MNT: variants seen among roughly 807,000 people sequenced by gnomAD.
The protein encoded by MNT is MAX network transcriptional repressor.
MNT carries 13 observed loss-of-function variants against 40.7 expected under a neutral mutation model. The observed-to-expected ratio is 0.32, with a 90% CI of 0.21 to 0.51. MNT has a LOEUF of 0.51. Among genes scored for constraint, MNT ranks in the 20% least tolerant of loss-of-function variants. The pLI is 0.98. For synonymous variants in MNT, 426 were observed against 354.8 expected, an observed-to-expected ratio of 1.20 and a Z score of -2.26; for missense variants, 757 against 792.0, an observed-to-expected ratio of 0.96 and a Z score of 0.53.
Position 2,384,854 on chromosome 17 carries a change from T to C in MNT, c.*2047A>G, listed in dbSNP as rs2066444727. 1 of 151,156 alleles carries C rather than the reference T, an allele frequency of 6.6e-6. No individual in the cohort carries two copies. Among genetic ancestry groups the C allele is most frequent in the African/African-American group, 2.4e-5 (1 of 40,886 alleles). The allele number at this position is 151,156 out of a possible 1,614,324, so 9.4% of individuals were successfully genotyped here. ...CACTAGATTTGCAGGCCCCCGATGC[T>C]GGGGGACAGGGACGGGGAGGGGCAG... On this transcript the variant is annotated 3_prime_UTR_variant, in exon 6 of 6. Coordinates refer to ENST00000174618, the MANE Select transcript of MNT (RefSeq NM_020310.3).
At position 2,395,159 on chromosome 17, in the gene MNT, C is replaced by G. The variant is rs774222187; in HGVS notation, c.369G>C (p.Leu123=). The G allele has an allele frequency of 4.1e-6, 6 of 1,452,234 alleles. No individual in the cohort carries two copies. In the African/African-American group the frequency reaches 8.8e-5, roughly 21 times the overall value. 90.0% of individuals were successfully genotyped at this position (1,452,234 alleles called of 1,614,324 possible). ...TAATGCTGAGTCCGGGGGCGCCAAC[C>G]AGGGCCGGCTGACGAGGCGCCAGGG... is the stretch of plus-strand genomic sequence containing the variant. ...PLPLAPRQPA[L]VGAPGLSIKE... is the part of the protein sequence containing the mutation. Residue 123 remains leucine, a synonymous_variant, in exon 2 of 6, where the codon CTG becomes CTC. Transcript: ENST00000174618.
chr17:2,393,066 C>T (rs890634091), intron 4 of MNT, among the ~76,000 whole-genome samples: 1 of 152,004 alleles, frequency 6.6e-6, no homozygotes, highest in Non-Finnish European at 1.5e-5. Flanking sequence ...ACCCCTCCCA[C>T]GGGGCCCGTG....
At position 2,393,413 on chromosome 17, in the gene MNT, G is replaced by A. The variant is rs183760398; in HGVS notation, c.807+630C>T. ...GACACCCCCTCTTCCTAGCCCAGGA[G>A]GAAGGAAAGCGTGACGTGTTTCAGG... On this transcript the variant is annotated intron_variant, in intron 4 of 5. Transcript: ENST00000174618. Among the ~76,000 whole-genome samples the A allele has an allele frequency of 4.6e-5, 7 of 152,338 alleles. No homozygotes were observed. In the East Asian group the frequency reaches 9.7e-4, roughly 21 times the overall value.
At position 2,387,267 on chromosome 17, in the gene MNT, C is replaced by G. The variant is rs1221482378; in HGVS notation, c.1383G>C (p.Gly461=). 3.1e-6 allele frequency: 5 copies of G among 1,613,042 alleles called. No individual in the cohort carries two copies. The highest frequency in any genetic ancestry group is 4.2e-6 in the Non-Finnish European group (5 of 1,179,682). Reference sequence around the variant, plus strand: ...TGTGGGCGATGTGCTTGCCGCCTGGCCCCTGCAGAACGTGGTTCACAGTCT... The same window carrying G: ...TGTGGGCGATGTGCTTGCCGCCTGGGCCCTGCAGAACGTGGTTCACAGTCT... ...VIQTVNHVLQ[G]PGGKHIAHIA... is the part of the protein sequence containing the mutation. The change falls in exon 6 of 6, where the codon GGG becomes GGC. Residue 461 remains glycine (G), a synonymous_variant. Transcript: ENST00000174618.
intron 4 of MNT, chr17:2,388,253 G>A: frequency 1.8e-6 from 1 of 550,800 alleles, no homozygotes; most frequent in South Asian, 2.4e-5. Context: ...AGGAGTGTGG[G>A]CTCTTGGGAC....
intron 4 of MNT, among the ~76,000 whole-genome samples, chr17:2,393,236 C>T (rs1009394226): frequency 4.6e-5 from 7 of 151,538 alleles, no homozygotes; most frequent in South Asian, 2.1e-4. Context: ...GCCTCCGGCC[C>T]GGCGCGCGGA....
intron 1 of MNT, chr17:2,396,813 G>A (rs1191413071): frequency 2.6e-5 from 4 of 152,398 alleles, no homozygotes; most frequent in African/African-American, 4.8e-5. Context: ...CTCCGCTGAC[G>A]AACGCAGCAG....
chr17:2,387,436 T>TGCTGTG lies in MNT; in HGVS notation c.1208_1213dup (p.Pro403_Gln404dup). The TGCTGTG allele has an allele frequency of 6.2e-7, 1 of 1,610,888 alleles. No homozygotes were observed. The highest frequency in any genetic ancestry group is 8.5e-7 in the Non-Finnish European group (1 of 1,178,598). ...AGGAGGGGCTGGCAGAGGGGTCTTC[T>TGCTGTG]GCTGTGGCTGCTGCTGCTGCACGGG... On this transcript the variant is annotated inframe_insertion, in exon 6 of 6. Transcript: ENST00000174618.
rs985534606 is a variant in MNT, at chr17:2,385,487, C to G, written c.*1414G>C. 6.6e-6 allele frequency: 1 copy of G among 152,454 alleles called. No individual in the cohort carries two copies. The highest frequency in any genetic ancestry group is 1.5e-5 in the Non-Finnish European group (1 of 68,160). 9.4% of individuals were successfully genotyped at this position (152,454 alleles called of 1,614,324 possible). ...CACAAAGCCACTTGTAATAAACACC[C>G]ACATACAAGGAAAGGCCAAAGCAGG... On this transcript the variant is annotated 3_prime_UTR_variant, in exon 6 of 6. Coordinates refer to ENST00000174618, the MANE Select transcript of MNT (RefSeq NM_020310.3).
At chr17:2,393,914 C>T (rs970122821) in intron 4 of MNT, 129 bp downstream of exon 4, 11 of 498,764 alleles carry the variant, frequency 2.2e-5, no homozygotes, top group African/African-American at 2.1e-4. Flanking sequence ...TGCTCAGCGC[C>T]CGCGTGGAGG....
Position 2,384,581 on chromosome 17 carries a change from T to C in MNT, c.*2320A>G, listed in dbSNP as rs1567862211. Reference sequence around the variant, plus strand: ...GGTAAAACACGCATGAGAGGTAAGATGTGTGCGTGTGCGTGCGTGTGTGTG... The same window carrying C: ...GGTAAAACACGCATGAGAGGTAAGACGTGTGCGTGTGCGTGCGTGTGTGTG... On this transcript the variant is annotated 3_prime_UTR_variant, in exon 6 of 6. Coordinates refer to ENST00000174618, the MANE Select transcript of MNT (RefSeq NM_020310.3). The C allele has an allele frequency of 7.0e-6, 1 of 142,780 alleles. No homozygotes were observed. The allele number at this position is 142,780 out of a possible 1,614,324, so 8.8% of individuals were successfully genotyped here.
At chr17:2,387,700 G>T in intron 5 of MNT, 51 bp from the exon 6 acceptor site, 1 of 1,603,148 alleles carries the variant, frequency 6.2e-7, no homozygotes. Flanking sequence ...GGAAGCAAGT[G>T]GCTGGAGGCG....
In MNT at chr17:2,400,713, C is replaced by G; in HGVS notation, c.-1G>C. ...CCTCCAGTAGCGTCTCTATGCTCAT[C>G]GCGCCGAGAGCTGCCGGGGGCGCGC... On this transcript the variant is annotated 5_prime_UTR_variant, in exon 1 of 6. Transcript: ENST00000174618. 6.4e-7 allele frequency: 1 copy of G among 1,565,172 alleles called. No individual in the cohort carries two copies. The highest frequency in any genetic ancestry group is 8.6e-7 in the Non-Finnish European group (1 of 1,161,336).
Position 2,388,058 on chromosome 17 carries a change from CAG to C in MNT, c.808-11_808-10del, listed in dbSNP as rs1189396542. On this transcript the variant is annotated splice_polypyrimidine_tract_variant and intron_variant, in intron 4 of 5. Transcript: ENST00000174618. Reference sequence around the variant, plus strand: ...TCCTTCCTCTTCAGGGACTGGCACACAGAGTAAGGGACAGCAGGACACCCTGA... The same window carrying C: ...TCCTTCCTCTTCAGGGACTGGCACACAGTAAGGGACAGCAGGACACCCTGA... 6.4e-7 allele frequency: 1 copy of C among 1,552,090 alleles called. No individual in the cohort carries two copies. The highest frequency in any genetic ancestry group is 1.4e-5 in the African/African-American group (1 of 73,178).
chr17:2,395,454 T>C lies in MNT; in HGVS notation c.74A>G (p.Glu25Gly). The change falls in exon 2 of 6, where the codon GAG becomes GGG. Residue 25 changes from glutamate to glycine, a missense_variant and splice_region_variant. Glu to Gly is a moderately conservative substitution (Grantham distance 98). This residue lies in a region of MNT where 335 missense variants were observed against 291.4 expected (regional missense o/e 1.15). Transcript: ENST00000174618. ...CTCCAAGCGAAGCCGCTCCTGCTCC[T>C]CTACACAGAGAGAACACAAGGGGGG... ...WQAQQQQRAR[E>G]EQERLRLEQE... 6.2e-7 allele frequency: 1 copy of C among 1,611,550 alleles called. No individual in the cohort carries two copies. The highest frequency in any genetic ancestry group is 8.5e-7 in the Non-Finnish European group (1 of 1,179,812).
At chr17:2,394,406 C>G in intron 2 of MNT, 60 bp from the exon 3 acceptor site, 2 of 1,608,212 alleles carry the variant, frequency 1.2e-6, no homozygotes, top group South Asian at 2.2e-5. Flanking sequence ...GCCTTCCTGA[C>G]CAGCGCCGCC....
In MNT at chr17:2,387,927, C is replaced by G; in HGVS notation, c.930G>C (p.Leu310=). The G allele has an allele frequency of 6.2e-7, 1 of 1,609,762 alleles. No individual in the cohort carries two copies. Among genetic ancestry groups the G allele is most frequent in the South Asian group, 1.1e-5 (1 of 90,688 alleles). Residue 310 remains leucine (L), a synonymous_variant, in exon 5 of 6, where the codon CTG becomes CTC. Transcript: ENST00000174618. The part of the protein sequence containing the change: ...KHELSQWMDV[L]EIDRVLRQTG... ...TCTGCCGCAGCACGCGGTCAATCTC[C>G]AGTACGTCCATCCACTGGCTCAGCT...
chr17:2,399,676 A>G (rs2066601502), intron 1 of MNT, among the ~76,000 whole-genome samples: 1 of 151,100 alleles, frequency 6.6e-6, no homozygotes, highest in Non-Finnish European at 1.5e-5. Context: ...GCCGAGCGCG[A>G]GGCGGTGAGG....
At chr17:2,394,707 G>A (rs955928019) in intron 2 of MNT, among the ~76,000 whole-genome samples, 168 bp downstream of exon 2, 4 of 152,132 alleles carry the variant, frequency 2.6e-5, no homozygotes, top group African/African-American at 9.7e-5. Flanking sequence ...GCCTGGGAAC[G>A]GGGGGCAATG....
Sources: gnomAD v4.1 joint callset for allele counts (sites outside exome capture counted in the v4.1 genomes callset) on GRCh38, gnomAD v4.1.1 for gene constraint, gnomAD v4.1.1 regional missense constraint, MANE v1.5 for transcripts, NCBI Gene and HGNC (gene_info 2026-07-23, HGNC 2026-07-21) for gene names.